SRPK2: variants seen among roughly 807,000 people sequenced by gnomAD.
SRPK2 encodes SRSF protein kinase 2.
SRPK2 carries 21 observed loss-of-function variants against 90.8 expected under a neutral mutation model. The ratio of observed to expected loss-of-function variants is 0.23; its 90% CI spans 0.16 to 0.33. The LOEUF is 0.33. Ranked by LOEUF, SRPK2 falls within the 10% of genes least tolerant of loss-of-function variation. SRPK2 has a pLI of 1.00. For missense variants in SRPK2, 620 were observed against 869.0 expected (o/e 0.71, Z 3.60); for synonymous variants, 288 against 311.1 (o/e 0.93, Z 0.78).
intron 15 of SRPK2, among the ~76,000 whole-genome samples, chr7:105,123,639 C>T (rs962659545): frequency 4.8e-4 from 73 of 152,138 alleles, no homozygotes; most frequent in African/African-American, 1.7e-3. Flanking sequence ...ACATGTTTCA[C>T]GCAGCAAGCC....
chr7:105,281,919 T>A (rs1420984538), intron 2 of SRPK2, among the ~76,000 whole-genome samples: 1 of 152,110 alleles, frequency 6.6e-6, no homozygotes, highest in African/African-American at 2.4e-5. Context: ...AATCCCCCGA[T>A]AAAAATTCCA....
At chr7:105,197,956 C>T (rs1176216614) in intron 3 of SRPK2, among the ~76,000 whole-genome samples, 2 of 152,164 alleles carry the variant, frequency 1.3e-5, no homozygotes, top group Non-Finnish European at 2.9e-5. Flanking sequence ...AGGCAATGTT[C>T]CTACAGTCAC....
At chr7:105,294,170 C>T (rs1370488458) in intron 2 of SRPK2, among the ~76,000 whole-genome samples, 1 of 152,206 alleles carries the variant, frequency 6.6e-6, no homozygotes, top group Non-Finnish European at 1.5e-5. Context: ...GCCCAATCCC[C>T]AAAGTTCAAT....
At position 105,145,271 on chromosome 7, in the gene SRPK2, G is replaced by A. The variant is rs199526965; in HGVS notation, c.813+12C>T. ...ACATGGTGCATATAAAGTAATATGC[G>A]TAAGTACTTACAGGTTTCTGCTGTG... is the stretch of plus-strand genomic sequence containing the variant. On this transcript the variant is annotated intron_variant, in intron 9 of 15. Transcript: ENST00000393651. 31 of 1,585,392 alleles carry A rather than the reference G, an allele frequency of 2.0e-5. No individual in the cohort carries two copies. The highest frequency in any genetic ancestry group is 9.4e-5 in the African/African-American group (7 of 74,248).
At chr7:105,121,035 T>C (rs1800271325) in intron 15 of SRPK2, among the ~76,000 whole-genome samples, 4 of 152,126 alleles carry the variant, frequency 2.6e-5, no homozygotes, top group Admixed American at 2.6e-4. Flanking sequence ...ACTATAAAAG[T>C]AGCACCCTAA....
chr7:105,314,684 C>G (rs1003782520), intron 2 of SRPK2, among the ~76,000 whole-genome samples: 4 of 152,052 alleles, frequency 2.6e-5, no homozygotes, highest in African/African-American at 9.7e-5. Context: ...ATGCCCGGCC[C>G]AAAACATATT....
chr7:105,319,860 C>CTTTT (rs75125198), intron 2 of SRPK2, among the ~76,000 whole-genome samples: 1 of 145,734 alleles, frequency 6.9e-6, no homozygotes. Flanking sequence ...ACTTCCCCCC[C>CTTTT]TTTTTTTTTT....
intron 2 of SRPK2, among the ~76,000 whole-genome samples, chr7:105,259,925 T>C (rs1292739549): frequency 6.6e-6 from 1 of 152,072 alleles, no homozygotes; most frequent in African/African-American, 2.4e-5. Context: ...CCTAACACCA[T>C]AAAAACCCTA....
intron 3 of SRPK2, among the ~76,000 whole-genome samples, chr7:105,201,146 C>T (rs1474308482): frequency 6.6e-6 from 1 of 152,160 alleles, no homozygotes; most frequent in African/African-American, 2.4e-5. Context: ...GGTCTTATTC[C>T]AGACATTCCA....
chr7:105,267,510 A>G lies in SRPK2; in HGVS notation c.72-63725T>C, dbSNP rs1287201111. ...CATCTCAGCAAACAGAATGCTTAAGATCAGATGGCTAGCCACAAACCAAAA... is the reference window on the plus strand; with the variant it reads ...CATCTCAGCAAACAGAATGCTTAAGGTCAGATGGCTAGCCACAAACCAAAA... On this transcript the variant is annotated intron_variant, in intron 2 of 15. Coordinates refer to ENST00000393651, the MANE Select transcript of SRPK2 (RefSeq NM_182692.3). 2.0e-5 allele frequency among the ~76,000 whole-genome samples: 3 copies of G among 152,148 alleles called. No homozygotes were observed. The East Asian group carries it at 5.8e-4, about 29-fold the overall frequency.
chr7:105,226,446 A>G (rs1377441583), intron 2 of SRPK2, among the ~76,000 whole-genome samples: 1 of 152,024 alleles, frequency 6.6e-6, no homozygotes, highest in African/African-American at 2.4e-5. Context: ...GCGCGCCACC[A>G]TACCTGGCTA....
In SRPK2 at chr7:105,377,784, A is replaced by G. The variant is rs77563845; in HGVS notation, c.71+10864T>C. Among the ~76,000 whole-genome samples, 715 of 152,314 alleles carry G rather than the reference A, an allele frequency of 4.7e-3. 11 individuals carry two copies. The East Asian group carries it at 0.055, about 12-fold the overall frequency. ...CACATTCTGCATTCCCTATTGCAAA[A>G]AATGGCAACACCACCCATAAATTTA... On this transcript the variant is annotated intron_variant, in intron 2 of 15. Coordinates refer to ENST00000393651, the MANE Select transcript of SRPK2 (RefSeq NM_182692.3).
chr7:105,160,652 T>TCACTCCA, intron 6 of SRPK2, 39 bp from the exon 7 acceptor site: 7 of 1,220,016 alleles, frequency 5.7e-6, no homozygotes, highest in Non-Finnish European at 8.5e-6. Context: ...ATGCACTGCC[T>TCACTCCA]GGAGTGAGGC....
At chr7:105,203,809 C>T (rs1166995104) in intron 2 of SRPK2, 24 bp from the exon 3 acceptor site, 19 of 1,554,276 alleles carry the variant, frequency 1.2e-5, no homozygotes, top group Admixed American at 3.9e-5. Context: ...GAGAAAATTG[C>T]TATTTACTTA....
intron 2 of SRPK2, among the ~76,000 whole-genome samples, chr7:105,216,676 A>G (rs1170313083): frequency 2.0e-5 from 3 of 150,874 alleles, no homozygotes; most frequent in Non-Finnish European, 4.4e-5. Flanking sequence ...AAAAAGAGAG[A>G]GAGAGAGAGA....
At chr7:105,245,200 T>C (rs1200060847) in intron 2 of SRPK2, among the ~76,000 whole-genome samples, 1 of 152,142 alleles carries the variant, frequency 6.6e-6, no homozygotes. Context: ...CAGTTAAAGC[T>C]CCTTGCGTCT....
At chr7:105,265,749 A>T (rs1202106906) in intron 2 of SRPK2, among the ~76,000 whole-genome samples, 1 of 152,170 alleles carries the variant, frequency 6.6e-6, no homozygotes, top group Non-Finnish European at 1.5e-5. Flanking sequence ...ACTCAAAAAA[A>T]AGGAAAATAC....
intron 8 of SRPK2, 25 bp from the exon 9 acceptor site, chr7:105,145,333 G>A: frequency 6.4e-7 from 1 of 1,559,258 alleles, no homozygotes; most frequent in Non-Finnish European, 8.7e-7. Context: ...AACAAAATCT[G>A]TATTTAGCAG....
intron 2 of SRPK2, among the ~76,000 whole-genome samples, chr7:105,293,368 A>T (rs1023058702): frequency 2.0e-5 from 3 of 152,158 alleles, no homozygotes; most frequent in African/African-American, 7.2e-5. Flanking sequence ...GGTGACAACT[A>T]CCACTCTAGA....
Sources: gnomAD v4.1 joint callset for allele counts (sites outside exome capture counted in the v4.1 genomes callset) on GRCh38, gnomAD v4.1.1 for gene constraint, MANE v1.5 for transcripts, NCBI Gene and HGNC (gene_info 2026-07-23, HGNC 2026-07-21) for gene names.